Variants in DCHS2 observed in about 807,000 individuals in gnomAD.
The protein encoded by DCHS2 is dachsous cadherin-related 2, also known as protocadherin-23.
Under a neutral mutation model 182.4 loss-of-function variants are expected in DCHS2, and 142 were observed. The ratio of observed to expected loss-of-function variants is 0.78; its 90% CI spans 0.68 to 0.89. DCHS2 has a LOEUF of 0.89. Among genes scored for constraint, DCHS2 ranks in the 40% least tolerant of loss-of-function variants. The pLI is 0.00. For synonymous variants in DCHS2, 1,740 were observed against 1,663.3 expected (o/e 1.05, Z -1.12); for missense variants, 4,319 against 4,198.6 (o/e 1.03, Z -0.79).
intron 3 of DCHS2, among the ~76,000 whole-genome samples, chr4:154,359,520 A>C: frequency 6.6e-6 from 1 of 152,020 alleles, no homozygotes; most frequent in East Asian, 1.9e-4. Context: ...GACCTTCAAC[A>C]GATACGGAGT....
At chr4:154,415,949 T>C (rs1273648014) in intron 1 of DCHS2, among the ~76,000 whole-genome samples, 1 of 152,142 alleles carries the variant, frequency 6.6e-6, no homozygotes, top group Non-Finnish European at 1.5e-5. Context: ...TCATATTTTA[T>C]CTTCTATATT....
intron 13 of DCHS2, among the ~76,000 whole-genome samples, chr4:154,295,501 TTG>T (rs1480069671): frequency 2.0e-5 from 3 of 152,190 alleles, no homozygotes; most frequent in Non-Finnish European, 2.9e-5. Context: ...ATTCATCTCC[TTG>T]GAAAGTATCG....
chr4:154,320,267 C>G (rs1736004942), intron 9 of DCHS2, 112 bp downstream of exon 9: 1 of 1,458,924 alleles, frequency 6.9e-7, no homozygotes, highest in African/African-American at 1.4e-5. Context: ...ATTGAACTCA[C>G]AGTCAACAAC....
At chr4:154,334,771 A>C (rs2111369676) in intron 4 of DCHS2, 97 bp downstream of exon 4, 1 of 1,000,360 alleles carries the variant, frequency 1.0e-6, no homozygotes, top group South Asian at 1.5e-5. Flanking sequence ...ACTTGCGTGG[A>C]AAGAAGAAAA....
intron 13 of DCHS2, among the ~76,000 whole-genome samples, chr4:154,271,586 T>C (rs1177557918): frequency 6.6e-6 from 1 of 152,094 alleles, no homozygotes; most frequent in Non-Finnish European, 1.5e-5. Context: ...GTGGAAAAAG[T>C]CATCTACAGC....
At chr4:154,360,082 G>A (rs1730047716) in intron 3 of DCHS2, among the ~76,000 whole-genome samples, 1 of 151,914 alleles carries the variant, frequency 6.6e-6, no homozygotes, top group Non-Finnish European at 1.5e-5. Flanking sequence ...AAGTCACTAA[G>A]AATTTTAGAG....
chr4:154,318,661 C>T (rs1203898211), intron 9 of DCHS2, among the ~76,000 whole-genome samples: 3 of 151,842 alleles, frequency 2.0e-5, no homozygotes, highest in Non-Finnish European at 4.4e-5. Flanking sequence ...GGTGAGTACC[C>T]TACATATTGA....
At chr4:154,428,398 G>A (rs1733421080) in intron 1 of DCHS2, among the ~76,000 whole-genome samples, 2 of 151,862 alleles carry the variant, frequency 1.3e-5, no homozygotes, top group African/African-American at 4.8e-5. Context: ...AATTAGCCAG[G>A]CGTGGTGGTA....
intron 9 of DCHS2, 22 bp from the exon 10 acceptor site, chr4:154,316,009 A>G: frequency 1.9e-6 from 3 of 1,612,118 alleles, no homozygotes; most frequent in Non-Finnish European, 2.5e-6. Context: ...ATGGAAGAAA[A>G]GCAACATGTA....
chr4:154,403,968 T>C (rs1732298102), intron 1 of DCHS2, among the ~76,000 whole-genome samples: 1 of 152,090 alleles, frequency 6.6e-6, no homozygotes, highest in African/African-American at 2.4e-5. Flanking sequence ...TTATCTTCCC[T>C]CTCTTTTTTT....
intron 16 of DCHS2, among the ~76,000 whole-genome samples, chr4:154,248,403 A>T (rs1348504107): frequency 1.3e-5 from 2 of 152,224 alleles, no homozygotes; most frequent in Admixed American, 6.5e-5. Flanking sequence ...TATTTATAAT[A>T]TCAGAGAAAA....
intron 1 of DCHS2, among the ~76,000 whole-genome samples, chr4:154,429,369 C>T (rs919086028): frequency 5.9e-5 from 9 of 152,114 alleles, no homozygotes; most frequent in African/African-American, 7.2e-5. Context: ...TTTGATGGGA[C>T]GCCAAGTCCT....
At chr4:154,477,949 A>T (rs1051782473) in intron 1 of DCHS2, among the ~76,000 whole-genome samples, 1 of 152,196 alleles carries the variant, frequency 6.6e-6, no homozygotes, top group African/African-American at 2.4e-5. Context: ...CATGGAGTTG[A>T]TTTCTATTCC....
chr4:154,485,430 G>A (rs1728551551), intron 1 of DCHS2, among the ~76,000 whole-genome samples: 1 of 152,198 alleles, frequency 6.6e-6, no homozygotes, highest in Non-Finnish European at 1.5e-5. Context: ...GTACAGTGAT[G>A]GGAGAAGGTC....
rs947314902 is a variant in DCHS2 at position 154,490,269 on chromosome 4, C to T, written c.1087G>A (p.Gly363Ser). 24 of 1,548,884 alleles carry T rather than the reference C, an allele frequency of 1.5e-5. No homozygotes were observed. Among genetic ancestry groups the T allele is most frequent in the Non-Finnish European group, 2.1e-5 (24 of 1,146,766 alleles). Residue 363 changes from glycine to serine, a missense_variant, in exon 1 of 20, where the codon GGC becomes AGC. Transcript: ENST00000357232. ...AAYFAVEELS[G>S]VVRVWRPLDR... ...AGAGGTCTCCACACTCGCACCACGC[C>T]GCTCAGCTCCTCCACCGCGAAGTAG... is the stretch of plus-strand genomic sequence containing the variant.
intron 1 of DCHS2, among the ~76,000 whole-genome samples, chr4:154,408,015 T>C (rs1046661217): frequency 2.7e-5 from 4 of 146,470 alleles, no homozygotes; most frequent in South Asian, 2.4e-4. Flanking sequence ...AGACTGCCCA[T>C]GTCATGGAAA....
chr4:154,314,962 T>G (rs907091081), intron 10 of DCHS2, among the ~76,000 whole-genome samples: 1 of 152,136 alleles, frequency 6.6e-6, no homozygotes, highest in African/African-American at 2.4e-5. Context: ...ATTATTTTGT[T>G]TAAGATAAAA....
At chr4:154,317,210 T>C (rs567565788) in intron 9 of DCHS2, among the ~76,000 whole-genome samples, 1 of 152,368 alleles carries the variant, frequency 6.6e-6, no homozygotes, top group Non-Finnish European at 1.5e-5. Flanking sequence ...AAACAGTCAC[T>C]GCAATTACTC....
chr4:154,366,490 A>G (rs1730368694), intron 2 of DCHS2, 49 bp from the exon 3 acceptor site: 1 of 1,236,494 alleles, frequency 8.1e-7, no homozygotes, highest in Non-Finnish European at 1.2e-6. Context: ...GCTGAACACT[A>G]GGATGTAGAA....
Sources: gnomAD v4.1 joint callset for allele counts (sites outside exome capture counted in the v4.1 genomes callset) on GRCh38, gnomAD v4.1.1 for gene constraint, MANE v1.5 for transcripts, NCBI Gene and HGNC (gene_info 2026-07-23, HGNC 2026-07-21) for gene names.